The following MOB3B variants were observed in gnomAD, a reference collection of about 807,000 sequenced individuals.
MOB3B encodes the protein MOB kinase activator-like 2B.
Under a neutral mutation model 18.7 loss-of-function variants are expected in MOB3B, and 7 were observed. The observed-to-expected ratio is 0.37, with a 90% CI of 0.21 to 0.70. MOB3B has a LOEUF of 0.70. MOB3B is among the 30% of genes least tolerant of loss of function. The pLI is 0.52. For synonymous variants in MOB3B, 111 were observed against 99.9 expected, an observed-to-expected ratio of 1.11 and a Z score of -0.66; for missense variants, 253 against 281.3, an observed-to-expected ratio of 0.90 and a Z score of 0.72.
chr9:27,528,290 C>G (rs1368564186), intron 1 of MOB3B, among the ~76,000 whole-genome samples: 13 of 152,260 alleles, frequency 8.5e-5, no homozygotes, highest in Non-Finnish European at 1.5e-4. Context: ...TCCCCTCCCA[C>G]TGCCCTAGCA....
At chr9:27,348,484 C>A (rs1284120136) in intron 3 of MOB3B, among the ~76,000 whole-genome samples, 1 of 151,850 alleles carries the variant, frequency 6.6e-6, no homozygotes, top group African/African-American at 2.4e-5. Context: ...GAAACCCCAT[C>A]TCTACTAAAA....
chr9:27,455,786 A>C (rs1822859777), intron 1 of MOB3B, 38 bp from the exon 2 acceptor site: 2 of 1,398,100 alleles, frequency 1.4e-6, no homozygotes, highest in Non-Finnish European at 1.9e-6. Flanking sequence ...ATGAGTGCCC[A>C]GTTCGCCTTT....
intron 2 of MOB3B, among the ~76,000 whole-genome samples, chr9:27,453,499 TCC>T (rs1822824260): frequency 6.6e-6 from 1 of 152,050 alleles, no homozygotes; most frequent in African/African-American, 2.4e-5. Context: ...CATAGAGGCA[TCC>T]ATTAATTTCT....
At chr9:27,413,144 T>C (rs1421305216) in intron 2 of MOB3B, among the ~76,000 whole-genome samples, 3 of 152,118 alleles carry the variant, frequency 2.0e-5, no homozygotes, top group Non-Finnish European at 4.4e-5. Flanking sequence ...AAGAAGGAAG[T>C]TGAGGAACTG....
chr9:27,455,019 G>T, intron 2 of MOB3B, 114 bp downstream of exon 2: 1 of 1,112,280 alleles, frequency 9.0e-7, no homozygotes, highest in Non-Finnish European at 1.3e-6. Context: ...CTACAGGTAT[G>T]TGAGTGATGG....
chr9:27,389,164 C>T (rs1021544593), intron 2 of MOB3B, among the ~76,000 whole-genome samples: 2 of 152,168 alleles, frequency 1.3e-5, no homozygotes, highest in Admixed American at 6.5e-5. Context: ...GGTCCCCAGA[C>T]CTGCAGCATC....
At chr9:27,374,069 G>C (rs1437770343) in intron 2 of MOB3B, among the ~76,000 whole-genome samples, 1 of 152,164 alleles carries the variant, frequency 6.6e-6, no homozygotes, top group African/African-American at 2.4e-5. Context: ...CGTCACTTCC[G>C]TTTTCTGTAC....
chr9:27,362,735 C>A (rs910439694), intron 2 of MOB3B, among the ~76,000 whole-genome samples: 3 of 152,196 alleles, frequency 2.0e-5, no homozygotes, highest in African/African-American at 7.2e-5. Flanking sequence ...GAGTCAAAGA[C>A]AAAATCCAGC....
At chr9:27,356,680 G>A (rs978097605) in intron 3 of MOB3B, among the ~76,000 whole-genome samples, 2 of 152,132 alleles carry the variant, frequency 1.3e-5, no homozygotes, top group African/African-American at 2.4e-5. Flanking sequence ...GTGGGCCTTT[G>A]GAGAAGTTAT....
chr9:27,328,003 C>T lies in MOB3B; in HGVS notation c.*2584G>A, dbSNP rs80004122. ...GCTACTCAGGAGGCTAAGGTTGAAGCTCACTTGAGGCAAGGGGTTCAAGGC... is the reference window on the plus strand; with the variant it reads ...GCTACTCAGGAGGCTAAGGTTGAAGTTCACTTGAGGCAAGGGGTTCAAGGC... On this transcript the variant is annotated 3_prime_UTR_variant, in exon 4 of 4. Transcript: ENST00000262244. 6.6e-6 allele frequency: 1 copy of T among 151,412 alleles called. No homozygotes were observed. Among genetic ancestry groups the T allele is most frequent in the East Asian group, 1.9e-4 (1 of 5,162 alleles). 9.4% of individuals were successfully genotyped at this position (151,412 alleles called of 1,614,324 possible).
At chr9:27,340,571 C>T (rs995266652) in intron 3 of MOB3B, among the ~76,000 whole-genome samples, 5 of 152,126 alleles carry the variant, frequency 3.3e-5, no homozygotes, top group Admixed American at 6.5e-5. Context: ...CCTAGAGCCC[C>T]GCAGCCCACC....
intron 2 of MOB3B, among the ~76,000 whole-genome samples, chr9:27,365,364 C>CTTTTTTT (rs55691019): frequency 1.7e-5 from 2 of 116,496 alleles, no homozygotes; most frequent in African/African-American, 3.2e-5. Flanking sequence ...TCCTTCTTCT[C>CTTTTTTT]TTTTTTTTTT....
intron 1 of MOB3B, among the ~76,000 whole-genome samples, chr9:27,509,498 C>T (rs1354850795): frequency 6.6e-6 from 1 of 152,140 alleles, no homozygotes; most frequent in Non-Finnish European, 1.5e-5. Flanking sequence ...CTCACTTCAA[C>T]CTCCGCCTCC....
chr9:27,376,033 G>A (rs1299147705), intron 2 of MOB3B, among the ~76,000 whole-genome samples: 3 of 152,098 alleles, frequency 2.0e-5, no homozygotes, highest in Admixed American at 2.0e-4. Flanking sequence ...GTAATATTTT[G>A]TTGTGTTATC....
intron 1 of MOB3B, among the ~76,000 whole-genome samples, chr9:27,456,441 G>A (rs1822872210): frequency 6.6e-6 from 1 of 152,150 alleles, no homozygotes; most frequent in Non-Finnish European, 1.5e-5. Flanking sequence ...ACAGAGAGAG[G>A]AAGACAAGAG....
At chr9:27,405,807 T>C (rs897588795) in intron 2 of MOB3B, among the ~76,000 whole-genome samples, 1 of 152,088 alleles carries the variant, frequency 6.6e-6, no homozygotes, top group Non-Finnish European at 1.5e-5. Flanking sequence ...ATCATACCAA[T>C]AGAATGAAGG....
chr9:27,422,211 G>C (rs561798964), intron 2 of MOB3B, among the ~76,000 whole-genome samples: 228 of 152,320 alleles, frequency 1.5e-3, no homozygotes, highest in African/African-American at 4.3e-3. Context: ...GGCTGATCTT[G>C]CCTTTCAAAT....
intron 2 of MOB3B, among the ~76,000 whole-genome samples, chr9:27,447,035 G>C (rs766185052): frequency 6.6e-6 from 1 of 152,068 alleles, no homozygotes; most frequent in African/African-American, 2.4e-5. Context: ...ACACCCAAAG[G>C]TCCTGTCTGC....
intron 2 of MOB3B, among the ~76,000 whole-genome samples, chr9:27,391,459 G>A (rs989900110): frequency 1.3e-5 from 2 of 152,186 alleles, no homozygotes; most frequent in Non-Finnish European, 2.9e-5. Flanking sequence ...CAATAATCCC[G>A]TCATGTAATG....
Sources: gnomAD v4.1 joint callset for allele counts (sites outside exome capture counted in the v4.1 genomes callset) on GRCh38, gnomAD v4.1.1 for gene constraint, MANE v1.5 for transcripts, NCBI Gene and HGNC (gene_info 2026-07-23, HGNC 2026-07-21) for gene names.